The following RAD17 variants were observed in gnomAD, a reference collection of about 807,000 sequenced individuals.
The protein encoded by RAD17 is cell cycle checkpoint protein RAD17.
RAD17 carries 31 observed loss-of-function variants against 81.5 expected under a neutral mutation model. That is an observed-to-expected ratio of 0.38 (90% CI 0.29 to 0.51). The LOEUF is 0.51. RAD17 is among the 20% of genes least tolerant of loss of function. The probability of loss-of-function intolerance (pLI) is 0.88; values close to 1 mark genes in which losing one functional copy is unlikely to be tolerated. For missense variants in RAD17, 681 were observed against 781.2 expected (o/e 0.87, Z 1.53); for synonymous variants, 261 against 266.2 (o/e 0.98, Z 0.19).
At chr5:69,375,672 A>G (rs956444111) in intron 6 of RAD17, among the ~76,000 whole-genome samples, 2 of 152,094 alleles carry the variant, frequency 1.3e-5, no homozygotes, top group Admixed American at 6.6e-5. Context: ...TATGCATACC[A>G]TTATTCTCTC....
At chr5:69,369,365 G>A (rs888980526), upstream of RAD17, 30 of 1,375,958 alleles carry the variant, frequency 2.2e-5, no homozygotes, top group Non-Finnish European at 2.7e-5. Context: ...GGCCTCTGAA[G>A]AGGGCAGTGA....
intron 12 of RAD17, among the ~76,000 whole-genome samples, chr5:69,389,400 TA>T (rs1039276340): frequency 6.6e-6 from 1 of 152,214 alleles, no homozygotes. Flanking sequence ...ATTTCCTGGA[TA>T]AAAATTCTGC....
rs140360093 is a variant in RAD17 at position 69,389,141 on chromosome 5, A to T, written c.1002A>T (p.Ser334=). 1.9e-6 allele frequency: 3 copies of T among 1,565,894 alleles called. No homozygotes were observed. Among genetic ancestry groups the T allele is most frequent in the Non-Finnish European group, 2.6e-6 (3 of 1,151,308 alleles). Residue 334 remains serine (S), a synonymous_variant, in exon 12 of 19, where the codon TCA becomes TCT. Transcript: ENST00000354868. ...TAAACAGCCTCCAGTTTTCTTCTTC[A>T]AAAGGTAACTATGGAAGATACAGTC... The part of the protein sequence containing the change: ...SAINSLQFSS[S]KGENNLRPRK...
chr5:69,377,654 T>TATATATGTATAC (rs1763566645), intron 6 of RAD17, among the ~76,000 whole-genome samples: 1 of 81,268 alleles, frequency 1.2e-5, no homozygotes, highest in African/African-American at 4.2e-5. Flanking sequence ...TATATGCATA[T>TATATATGTATAC]ATATATGTAT....
At chr5:69,369,406 A>C, upstream of RAD17, 3 of 1,593,100 alleles carry the variant, frequency 1.9e-6, no homozygotes, top group Non-Finnish European at 2.6e-6. Flanking sequence ...CGATGCCCAG[A>C]GCACTCTGCG....
At chr5:69,387,638 A>G (rs1271457020) in intron 11 of RAD17, among the ~76,000 whole-genome samples, 1 of 152,132 alleles carries the variant, frequency 6.6e-6, no homozygotes, top group Admixed American at 6.6e-5. Context: ...TGGGTGTATC[A>G]CCTGAGGTCA....
At chr5:69,377,722 T>TGG (rs1763604517) in intron 6 of RAD17, among the ~76,000 whole-genome samples, 4 of 34,464 alleles carry the variant, frequency 1.2e-4, no homozygotes, top group Admixed American at 7.1e-4. Flanking sequence ...GGGAAAAGTA[T>TGG]TTTCTTTATG....
chr5:69,408,511 T>A (rs1363571476), intron 17 of RAD17, among the ~76,000 whole-genome samples: 3 of 143,030 alleles, frequency 2.1e-5, no homozygotes, highest in Non-Finnish European at 4.6e-5. Flanking sequence ...AATTACTTTT[T>A]TTTTTTTTTT....
chr5:69,401,846 A>G (rs1311934515), intron 17 of RAD17, among the ~76,000 whole-genome samples: 1 of 104,914 alleles, frequency 9.5e-6, no homozygotes, highest in Non-Finnish European at 2.0e-5. Context: ...AAAACCCACA[A>G]AAAACAAAAA....
chr5:69,390,653 T>G (rs1161481249), intron 12 of RAD17, among the ~76,000 whole-genome samples: 1 of 152,116 alleles, frequency 6.6e-6, no homozygotes, highest in Non-Finnish European at 1.5e-5. Flanking sequence ...TCTCATTTCA[T>G]TAACTGTCTA....
intron 16 of RAD17, among the ~76,000 whole-genome samples, chr5:69,399,435 G>A (rs1297194497): frequency 6.6e-6 from 1 of 152,146 alleles, no homozygotes; most frequent in Non-Finnish European, 1.5e-5. Context: ...CCCCTGGACT[G>A]GGTCGTCTCT....
chr5:69,386,349 A>G, intron 10 of RAD17, 44 bp downstream of exon 10: 1 of 1,580,908 alleles, frequency 6.3e-7, no homozygotes, highest in Non-Finnish European at 8.6e-7. Flanking sequence ...TACATATTAT[A>G]TTTTTAAATT....
At chr5:69,380,042 G>A (rs1181617406) in intron 6 of RAD17, among the ~76,000 whole-genome samples, 2 of 151,884 alleles carry the variant, frequency 1.3e-5, no homozygotes, top group Non-Finnish European at 2.9e-5. Flanking sequence ...CACCACGCCC[G>A]GGTAGTTCTT....
intron 18 of RAD17, 23 bp downstream of exon 18, chr5:69,410,573 CA>C: frequency 6.2e-7 from 1 of 1,603,148 alleles, no homozygotes; most frequent in Non-Finnish European, 8.5e-7. Flanking sequence ...TCTCAATTTC[CA>C]AAAAGCTGAT....
At chr5:69,396,651 A>G in intron 16 of RAD17, 105 bp downstream of exon 16, 1 of 1,202,100 alleles carries the variant, frequency 8.3e-7, no homozygotes, top group Non-Finnish European at 1.1e-6. Flanking sequence ...AAAGGAAAAA[A>G]TATTTCATTT....
intron 17 of RAD17, among the ~76,000 whole-genome samples, chr5:69,404,180 A>C (rs1765444208): frequency 6.6e-6 from 1 of 152,186 alleles, no homozygotes. Flanking sequence ...CACATCTCTA[A>C]GCTGTTCATA....
Position 69,392,033 on chromosome 5 carries a change from T to G in RAD17, c.1189+20T>G. On this transcript the variant is annotated intron_variant, in intron 13 of 18. Coordinates refer to ENST00000354868, the MANE Select transcript of RAD17 (RefSeq NM_133338.3). ...GTAAAAGTAAGAAATTTTTACACTT[T>G]TAAAATCTGTTGGATATCACATAGT... 1 of 1,468,412 alleles carries G rather than the reference T, an allele frequency of 6.8e-7. No homozygotes were observed. The highest frequency in any genetic ancestry group is 9.1e-7 in the Non-Finnish European group (1 of 1,100,274). The allele number at this position is 1,468,412 out of a possible 1,614,324, so 91.0% of individuals were successfully genotyped here.
At chr5:69,401,139 C>T (rs1039599958) in intron 17 of RAD17, among the ~76,000 whole-genome samples, 4 of 151,932 alleles carry the variant, frequency 2.6e-5, no homozygotes, top group African/African-American at 4.8e-5. Context: ...ACCCCGGAGG[C>T]GGAGGTTGCA....
intron 17 of RAD17, among the ~76,000 whole-genome samples, chr5:69,409,281 G>A (rs775445801): frequency 1.3e-5 from 2 of 152,176 alleles, no homozygotes; most frequent in Admixed American, 1.3e-4. Flanking sequence ...ACAGGGGACA[G>A]TGCCTTTGGG....
Sources: gnomAD v4.1 joint callset for allele counts (sites outside exome capture counted in the v4.1 genomes callset) on GRCh38, gnomAD v4.1.1 for gene constraint, MANE v1.5 for transcripts, NCBI Gene and HGNC (gene_info 2026-07-23, HGNC 2026-07-21) for gene names.